CTNNA3: variants seen among roughly 807,000 people sequenced by gnomAD.
CTNNA3 encodes catenin alpha-3.
In CTNNA3, 76 loss-of-function variants were observed where a neutral mutation model predicts 95.7. That is an observed-to-expected ratio of 0.79 (90% CI 0.66 to 0.96). The LOEUF is 0.96. Ranked by LOEUF, CTNNA3 falls within the 40% of genes least tolerant of loss-of-function variation. The pLI is 0.00. For missense variants in CTNNA3, 1,191 were observed against 1,089.8 expected (o/e 1.09, Z -1.31); for synonymous variants, 431 against 374.4 (o/e 1.15, Z -1.74).
intron 13 of CTNNA3, among the ~76,000 whole-genome samples, chr10:66,184,520 AT>A (rs1018060992): frequency 5.9e-5 from 9 of 152,102 alleles, no homozygotes; most frequent in Admixed American, 2.0e-4. Context: ...CAAATAACCA[AT>A]TTTTTTCAGC....
chr10:67,418,777 T>A lies in CTNNA3; in HGVS notation c.579+103065A>T, dbSNP rs534939308. The stretch of plus-strand genomic sequence containing the variant: ...CTATTGTAAAACATGTAGTAGAAAA[T>A]CCGTGCAAGGAAGTATTACAACAGA... On this transcript the variant is annotated intron_variant, in intron 5 of 17. Coordinates refer to ENST00000433211, the MANE Select transcript of CTNNA3 (RefSeq NM_013266.4). Among the ~76,000 whole-genome samples the A allele has an allele frequency of 2.6e-5, 4 of 152,152 alleles. No individual in the cohort carries two copies. In the South Asian group the frequency reaches 8.3e-4, roughly 32 times the overall value.
intron 13 of CTNNA3, among the ~76,000 whole-genome samples, chr10:66,176,518 TAAAATTCACA>T (rs947632960): frequency 6.6e-6 from 1 of 152,122 alleles, no homozygotes; most frequent in Admixed American, 6.6e-5. Flanking sequence ...TAAATATATG[TAAAATTCACA>T]AAAATTCACA....
chr10:66,078,045 A>C (rs1168699930), intron 14 of CTNNA3, among the ~76,000 whole-genome samples: 1 of 151,846 alleles, frequency 6.6e-6, no homozygotes, highest in Non-Finnish European at 1.5e-5. Flanking sequence ...TTGAGCTGTT[A>C]ACCCTTTTTC....
Position 66,606,056 on chromosome 10 carries a change from G to A in CTNNA3, c.1374+15636C>T, listed in dbSNP as rs1405623357. Among the ~76,000 whole-genome samples, 3 of 151,968 alleles carry A rather than the reference G, an allele frequency of 2.0e-5. No individual in the cohort carries two copies. The East Asian group carries it at 5.8e-4, about 29-fold the overall frequency. On this transcript the variant is annotated intron_variant, in intron 10 of 17. Coordinates refer to ENST00000433211, the MANE Select transcript of CTNNA3 (RefSeq NM_013266.4). ...GATTTCACATGCAATGACACCCATA[G>A]GCTCAAAATAAAGGAATGGAGAAAA...
At chr10:66,978,545 AAAAAAAAATATATATATATATATATAGT>A (rs1850208537) in intron 7 of CTNNA3, among the ~76,000 whole-genome samples, 2 of 114,230 alleles carry the variant, frequency 1.8e-5, no homozygotes, top group South Asian at 5.9e-4. Context: ...AAAAAAAAAA[AAAAAAAAATATATATATATATATATAGT>A]ATGGTGTACT....
At chr10:66,424,690 C>T (rs1167402070) in intron 11 of CTNNA3, among the ~76,000 whole-genome samples, 2 of 152,116 alleles carry the variant, frequency 1.3e-5, no homozygotes, top group Non-Finnish European at 2.9e-5. Flanking sequence ...GACTTTCTTC[C>T]TTTGTTACAT....
At chr10:67,671,396 A>C (rs1419576886) in intron 1 of CTNNA3, among the ~76,000 whole-genome samples, 1 of 152,014 alleles carries the variant, frequency 6.6e-6, no homozygotes, top group Non-Finnish European at 1.5e-5. Flanking sequence ...TTTAGGGTAC[A>C]TGTGCACAAT....
At chr10:66,493,587 T>C (rs1839996329) in intron 11 of CTNNA3, among the ~76,000 whole-genome samples, 1 of 150,822 alleles carries the variant, frequency 6.6e-6, no homozygotes. Context: ...TTGGCTAACA[T>C]TTAACTACAG....
chr10:66,584,051 T>A (rs1589452027), intron 10 of CTNNA3, among the ~76,000 whole-genome samples: 3 of 151,960 alleles, frequency 2.0e-5, no homozygotes, highest in East Asian at 1.9e-4. Flanking sequence ...AGAAACTTAA[T>A]ATGATTTTGA....
intron 7 of CTNNA3, among the ~76,000 whole-genome samples, chr10:66,884,509 G>A (rs1308607424): frequency 6.6e-6 from 1 of 152,038 alleles, no homozygotes; most frequent in Non-Finnish European, 1.5e-5. Context: ...ACAAAGGACT[G>A]GGGCCTCCTG....
chr10:66,333,539 T>C (rs1416256257), intron 12 of CTNNA3, among the ~76,000 whole-genome samples: 4 of 152,092 alleles, frequency 2.6e-5, no homozygotes, highest in Non-Finnish European at 5.9e-5. Context: ...TTGAGTGGTT[T>C]TGAGTGAGTT....
At chr10:66,628,407 A>G (rs549927930) in intron 9 of CTNNA3, among the ~76,000 whole-genome samples, 4 of 152,082 alleles carry the variant, frequency 2.6e-5, no homozygotes, top group Non-Finnish European at 5.9e-5. Flanking sequence ...TATGGGGGGA[A>G]ACACCTGAGA....
intron 7 of CTNNA3, among the ~76,000 whole-genome samples, chr10:66,891,304 G>A (rs1351014422): frequency 1.3e-5 from 2 of 152,140 alleles, no homozygotes; most frequent in Admixed American, 1.3e-4. Flanking sequence ...AGAAATGCAG[G>A]TTAGGCATTT....
intron 15 of CTNNA3, among the ~76,000 whole-genome samples, chr10:66,067,968 C>A (rs4279912): frequency 1.3e-5 from 2 of 151,804 alleles, no homozygotes; most frequent in Non-Finnish European, 1.5e-5. Context: ...GATAGGTTCC[C>A]TGAAGTATAG....
intron 13 of CTNNA3, among the ~76,000 whole-genome samples, chr10:66,230,549 G>T (rs2089535217): frequency 6.6e-6 from 1 of 152,160 alleles, no homozygotes; most frequent in African/African-American, 2.4e-5. Context: ...GGACAGGGAT[G>T]CCAGGTTGGT....
At chr10:67,096,531 A>G (rs1213465980) in intron 7 of CTNNA3, among the ~76,000 whole-genome samples, 1 of 151,956 alleles carries the variant, frequency 6.6e-6, no homozygotes, top group African/African-American at 2.4e-5. Flanking sequence ...AGAGAATTCA[A>G]CAGCATGAAT....
chr10:66,614,622 A>G (rs2660030), intron 10 of CTNNA3, among the ~76,000 whole-genome samples: 1,911 of 152,116 alleles, frequency 0.013, 39 homozygotes, highest in African/African-American at 0.044. Context: ...ACTTATAAAA[A>G]TATTATCTCT....
intron 1 of CTNNA3, among the ~76,000 whole-genome samples, chr10:67,656,962 C>T (rs150389724): frequency 9.9e-5 from 15 of 152,148 alleles, no homozygotes; most frequent in South Asian, 2.1e-4. Flanking sequence ...GAACGAAGTA[C>T]GAAGGGCAAA....
At chr10:66,978,552 A>AAAAAAAATAT in intron 7 of CTNNA3, among the ~76,000 whole-genome samples, 2 of 37,882 alleles carry the variant, frequency 5.3e-5, no homozygotes, top group Non-Finnish European at 9.7e-5. Context: ...AAAAAAAAAA[A>AAAAAAAATAT]ATATATATAT....
Sources: gnomAD v4.1 joint callset for allele counts (sites outside exome capture counted in the v4.1 genomes callset) on GRCh38, gnomAD v4.1.1 for gene constraint, MANE v1.5 for transcripts, NCBI Gene and HGNC (gene_info 2026-07-23, HGNC 2026-07-21) for gene names.